The following NELL1 variants were observed in gnomAD, a reference collection of about 807,000 sequenced individuals.
The protein encoded by NELL1 is protein kinase C-binding protein NELL1.
In NELL1, 76 loss-of-function variants were observed where a neutral mutation model predicts 107.4. The observed-to-expected ratio is 0.71, with a 90% confidence interval of 0.59 to 0.86. The LOEUF (loss-of-function observed/expected upper bound fraction) is 0.86, where lower values mean the gene tolerates loss of function less well. NELL1 is among the 40% of genes least tolerant of loss of function. The probability of loss-of-function intolerance (pLI) is 0.00; values close to 1 mark genes in which losing one functional copy is unlikely to be tolerated. For synonymous variants in NELL1, 353 were observed against 341.2 expected (o/e 1.03, Z -0.38); for missense variants, 1,024 against 1,005.5 (o/e 1.02, Z -0.25).
At chr11:20,764,604 C>A (rs1481396160) in intron 2 of NELL1, among the ~76,000 whole-genome samples, 1 of 145,430 alleles carries the variant, frequency 6.9e-6, no homozygotes, top group Non-Finnish European at 1.5e-5. Flanking sequence ...TGGCCTACAC[C>A]CCAGACCTTT....
intron 14 of NELL1, among the ~76,000 whole-genome samples, chr11:21,348,798 TAC>T (rs1220288203): frequency 6.6e-6 from 1 of 152,160 alleles, no homozygotes; most frequent in African/African-American, 2.4e-5. Context: ...GGGAAGGAAT[TAC>T]AGAGTGAACA....
rs1345858093 is a variant in NELL1, at chr11:21,315,865, TGG to T, written c.1550-54987_1550-54986del. Among the ~76,000 whole-genome samples, 106 of 90,810 alleles carry T rather than the reference TGG, an allele frequency of 1.2e-3. 3 individuals carry two copies. Among genetic ancestry groups the T allele is most frequent in the Non-Finnish European group, 2.6e-4 (12 of 45,824 alleles). 59.6% of individuals were successfully genotyped at this position (90,810 alleles called of 152,430 possible). ...GAATGACTTTATTTGAATGTGTTGG[TGG>T]TGGTGGTGGTGGTGGTGGTGTGAGT... On this transcript the variant is annotated intron_variant, in intron 14 of 19. Transcript: ENST00000357134.
At chr11:21,294,184 G>A (rs938406856) in intron 14 of NELL1, among the ~76,000 whole-genome samples, 7 of 152,074 alleles carry the variant, frequency 4.6e-5, no homozygotes, top group Non-Finnish European at 4.4e-5. Context: ...AGCCTTGACT[G>A]TTTCCCTCCT....
intron 14 of NELL1, among the ~76,000 whole-genome samples, chr11:21,309,288 A>ATATATG (rs1269347149): frequency 2.3e-4 from 27 of 117,310 alleles, no homozygotes; most frequent in African/African-American, 9.5e-4. Flanking sequence ...ATGTATATAT[A>ATATATG]TATATATATA....
At chr11:21,154,453 A>G (rs1856186918) in intron 13 of NELL1, among the ~76,000 whole-genome samples, 1 of 152,208 alleles carries the variant, frequency 6.6e-6, no homozygotes, top group Non-Finnish European at 1.5e-5. Context: ...TTAAACATTT[A>G]TTAATTGATT....
chr11:21,356,011 A>G (rs552668014), intron 14 of NELL1, among the ~76,000 whole-genome samples: 1 of 152,034 alleles, frequency 6.6e-6, no homozygotes, highest in African/African-American at 2.4e-5. Flanking sequence ...CTCTACTCAA[A>G]TGATCTCTTT....
intron 14 of NELL1, among the ~76,000 whole-genome samples, chr11:21,241,840 C>A (rs899129976): frequency 1.3e-5 from 2 of 151,032 alleles, no homozygotes; most frequent in African/African-American, 4.9e-5. Flanking sequence ...AGAGTTCATT[C>A]AGCTGTGTTT....
At chr11:21,005,564 G>A (rs529466672) in intron 12 of NELL1, among the ~76,000 whole-genome samples, 5 of 152,202 alleles carry the variant, frequency 3.3e-5, no homozygotes, top group African/African-American at 1.2e-4. Context: ...TTTATAAATG[G>A]GTAGCATGTA....
chr11:20,927,040 A>G (rs1031720506), intron 7 of NELL1: 10 of 361,768 alleles, frequency 2.8e-5, no homozygotes, highest in African/African-American at 1.5e-4. Context: ...ACACACATTT[A>G]TGAACACCCA....
At chr11:21,095,596 G>A (rs575697892) in intron 12 of NELL1, among the ~76,000 whole-genome samples, 11 of 152,202 alleles carry the variant, frequency 7.2e-5, no homozygotes, top group African/African-American at 2.6e-4. Context: ...AAGGCAATGA[G>A]GAGTAAGTCA....
chr11:21,250,924 T>C (rs1428597345), intron 14 of NELL1, among the ~76,000 whole-genome samples: 1 of 152,156 alleles, frequency 6.6e-6, no homozygotes, highest in African/African-American at 2.4e-5. Flanking sequence ...GCTCTTGAAT[T>C]TGTAAACCAT....
intron 2 of NELL1, among the ~76,000 whole-genome samples, chr11:20,722,720 G>A (rs1480939694): frequency 2.6e-5 from 4 of 152,124 alleles, no homozygotes; most frequent in African/African-American, 9.7e-5. Context: ...AAATAAAGCA[G>A]AGAAGGAGGG....
chr11:20,800,368 CATTTAAAAAATA>C (rs1857258139), intron 3 of NELL1, among the ~76,000 whole-genome samples: 1 of 152,092 alleles, frequency 6.6e-6, no homozygotes, highest in African/African-American at 2.4e-5. Flanking sequence ...TTATTTTTGA[CATTTAAAAAATA>C]ATAGGCATTC....
At chr11:20,729,722 T>C (rs1030144447) in intron 2 of NELL1, among the ~76,000 whole-genome samples, 4 of 152,164 alleles carry the variant, frequency 2.6e-5, no homozygotes, top group Admixed American at 1.3e-4. Flanking sequence ...AGACCTCCCT[T>C]ATATCTAGTG....
intron 15 of NELL1, among the ~76,000 whole-genome samples, chr11:21,419,850 T>A (rs1852616530): frequency 6.6e-6 from 1 of 152,220 alleles, no homozygotes; most frequent in South Asian, 2.1e-4. Flanking sequence ...TCATATCATG[T>A]CTTTTATTCC....
intron 3 of NELL1, among the ~76,000 whole-genome samples, chr11:20,793,316 T>C (rs1398810676): frequency 6.6e-6 from 1 of 151,998 alleles, no homozygotes; most frequent in Admixed American, 6.6e-5. Flanking sequence ...ATAGTCTCTT[T>C]TACTTAATAA....
intron 13 of NELL1, among the ~76,000 whole-genome samples, chr11:21,134,692 G>A (rs921718148): frequency 1.2e-4 from 18 of 152,146 alleles, no homozygotes; most frequent in African/African-American, 2.7e-4. Flanking sequence ...GTTGGCATGG[G>A]TAGAGGAAGC....
intron 3 of NELL1, among the ~76,000 whole-genome samples, chr11:20,839,486 A>G (rs1034645971): frequency 3.9e-5 from 6 of 152,246 alleles, no homozygotes; most frequent in African/African-American, 1.4e-4. Context: ...TTTCAGCAGC[A>G]TCACACCTTT....
intron 14 of NELL1, among the ~76,000 whole-genome samples, chr11:21,341,734 T>C (rs1850570322): frequency 6.6e-6 from 1 of 152,218 alleles, no homozygotes; most frequent in African/African-American, 2.4e-5. Flanking sequence ...AAAACTCACT[T>C]TCTTAACTTG....
Sources: gnomAD v4.1 joint callset for allele counts (sites outside exome capture counted in the v4.1 genomes callset) on GRCh38, gnomAD v4.1.1 for gene constraint, MANE v1.5 for transcripts, NCBI Gene and HGNC (gene_info 2026-07-23, HGNC 2026-07-21) for gene names.